UBE2D2: variants seen among roughly 807,000 people sequenced by gnomAD.
UBE2D2 encodes the protein ubiquitin-conjugating enzyme E2 D2.
UBE2D2 carries 2 observed loss-of-function variants against 24.2 expected under a neutral mutation model. That is an observed-to-expected ratio of 0.08 (90% CI 0.03 to 0.26). The LOEUF is 0.26. Among genes scored for constraint, UBE2D2 ranks in the 10% least tolerant of loss-of-function variants. The pLI is 1.00. For missense variants in UBE2D2, 44 were observed against 177.6 expected, an observed-to-expected ratio of 0.25 and a Z score of 4.28; for synonymous variants, 58 against 56.5, an observed-to-expected ratio of 1.03 and a Z score of -0.12.
At chr5:139,537,781 G>A (rs575315195) in intron 1 of UBE2D2, among the ~76,000 whole-genome samples, 13 of 151,840 alleles carry the variant, frequency 8.6e-5, no homozygotes, top group Middle Eastern at 3.4e-3. Context: ...TGGCTAACAC[G>A]GTGAGACCCC....
At chr5:139,538,299 T>C (rs1233009896) in intron 1 of UBE2D2, among the ~76,000 whole-genome samples, 2 of 152,078 alleles carry the variant, frequency 1.3e-5, no homozygotes, top group Non-Finnish European at 2.9e-5. Context: ...TGACATAGTC[T>C]TGACAAATAA....
chr5:139,552,808 A>G (rs1752939868), intron 1 of UBE2D2, among the ~76,000 whole-genome samples: 1 of 150,004 alleles, frequency 6.7e-6, no homozygotes, highest in African/African-American at 2.5e-5. Context: ...TCAGCCTCCC[A>G]AGTAGCTGGG....
At chr5:139,526,450 G>T (rs1049602805) in exon 1 of UBE2D2, 1 of 152,268 alleles carries the variant, frequency 6.6e-6, no homozygotes, top group African/African-American at 2.4e-5. Context: ...GGGGGACTCC[G>T]GCCAGCCTGA....
chr5:139,626,065 T>G (rs1391045427), intron 6 of UBE2D2, among the ~76,000 whole-genome samples: 1 of 151,828 alleles, frequency 6.6e-6, no homozygotes, highest in African/African-American at 2.4e-5. Context: ...GAAAGTTTGG[T>G]TTTTTTTCCC....
chr5:139,597,408 AGT>A (rs1443389986), intron 1 of UBE2D2, among the ~76,000 whole-genome samples: 1 of 152,166 alleles, frequency 6.6e-6, no homozygotes, highest in Non-Finnish European at 1.5e-5. Context: ...GTGTTGAATG[AGT>A]GTGTTAAATG....
chr5:139,603,623 G>GAA (rs1169340176), intron 2 of UBE2D2, among the ~76,000 whole-genome samples: 1,615 of 37,198 alleles, frequency 0.043, 59 homozygotes, highest in Middle Eastern at 0.068. Context: ...CTCTGTCTCC[G>GAA]AAAAAAAAAA....
intron 1 of UBE2D2, among the ~76,000 whole-genome samples, chr5:139,587,447 G>A (rs149627778): frequency 2.6e-5 from 4 of 152,200 alleles, no homozygotes; most frequent in African/African-American, 7.2e-5. Flanking sequence ...TTGGGAGGCC[G>A]AGATGGGCAG....
chr5:139,607,874 A>G (rs1030480762), intron 2 of UBE2D2, among the ~76,000 whole-genome samples: 1 of 152,002 alleles, frequency 6.6e-6, no homozygotes, highest in African/African-American at 2.4e-5. Flanking sequence ...TGAGCAGGAC[A>G]TGGTGACACT....
intron 1 of UBE2D2, among the ~76,000 whole-genome samples, chr5:139,585,659 C>T (rs375318432): frequency 7.2e-5 from 11 of 151,992 alleles, no homozygotes; most frequent in Admixed American, 2.0e-4. Context: ...AGCATTAATC[C>T]ACTCAGACAT....
chr5:139,564,281 G>C (rs1753170539), intron 1 of UBE2D2, among the ~76,000 whole-genome samples: 1 of 151,998 alleles, frequency 6.6e-6, no homozygotes, highest in Non-Finnish European at 1.5e-5. Context: ...AGCCTCCCGA[G>C]TAGCTGGGAT....
intron 1 of UBE2D2, chr5:139,562,321 AC>A: frequency 5.2e-6 from 7 of 1,348,290 alleles, no homozygotes; most frequent in Non-Finnish European, 6.9e-6. Context: ...TCCTGAGTTC[AC>A]TTACCTCTTG....
intron 1 of UBE2D2, among the ~76,000 whole-genome samples, chr5:139,544,743 T>C (rs1262297977): frequency 3.3e-5 from 5 of 151,972 alleles, no homozygotes; most frequent in Non-Finnish European, 1.5e-5. Context: ...GAATACATCA[T>C]TGAGACTTTC....
intron 1 of UBE2D2, among the ~76,000 whole-genome samples, chr5:139,573,208 A>G (rs1753391883): frequency 6.6e-6 from 1 of 151,706 alleles, no homozygotes; most frequent in Non-Finnish European, 1.5e-5. Context: ...AGGCTGAGGC[A>G]GGACAATGGC....
At chr5:139,578,770 A>G (rs1205437509) in intron 1 of UBE2D2, among the ~76,000 whole-genome samples, 1 of 152,110 alleles carries the variant, frequency 6.6e-6, no homozygotes, top group African/African-American at 2.4e-5. Flanking sequence ...TTTGTTAGGT[A>G]TATGATCCCA....
chr5:139,623,696 G>GT lies in UBE2D2; in HGVS notation c.398+238dup. 3 of 361,326 alleles carry GT rather than the reference G, an allele frequency of 8.3e-6. No homozygotes were observed. In the East Asian group the frequency reaches 1.3e-4, roughly 15 times the overall value. 22.4% of individuals were successfully genotyped at this position (361,326 alleles called of 1,614,324 possible). On this transcript the variant is annotated intron_variant, in intron 6 of 6. Transcript: ENST00000398733. The stretch of plus-strand genomic sequence containing the variant: ...CTTGTCTACAAAAACTTTTTTTTTT[G>GT]TTTGTTTTTTTTTGAGACAGGGTCT...
intron 1 of UBE2D2, among the ~76,000 whole-genome samples, chr5:139,531,562 A>G (rs1752597023): frequency 6.6e-6 from 1 of 151,106 alleles, no homozygotes; most frequent in Admixed American, 6.6e-5. Flanking sequence ...TTGTCCTGCT[A>G]CAAGCTGAGA....
chr5:139,596,680 C>A (rs1263426593), intron 1 of UBE2D2, among the ~76,000 whole-genome samples: 1 of 151,902 alleles, frequency 6.6e-6, no homozygotes, highest in Non-Finnish European at 1.5e-5. Flanking sequence ...GCGGAAGGAT[C>A]GCTTGAGTCT....
intron 1 of UBE2D2, among the ~76,000 whole-genome samples, chr5:139,588,696 A>G (rs1581512860): frequency 6.6e-6 from 1 of 152,180 alleles, no homozygotes; most frequent in East Asian, 1.9e-4. Flanking sequence ...TATTAGCTGT[A>G]TATTTGATCA....
intron 1 of UBE2D2, among the ~76,000 whole-genome samples, chr5:139,597,073 TAAAC>T (rs1409041677): frequency 5.9e-5 from 9 of 151,846 alleles, no homozygotes; most frequent in Non-Finnish European, 1.2e-4. Context: ...AAAAAAATAA[TAAAC>T]AACTTTGAGA....
Sources: gnomAD v4.1 joint callset for allele counts (sites outside exome capture counted in the v4.1 genomes callset) on GRCh38, gnomAD v4.1.1 for gene constraint, MANE v1.5 for transcripts, NCBI Gene and HGNC (gene_info 2026-07-23, HGNC 2026-07-21) for gene names.